RALGAPA1: variants seen among roughly 807,000 people sequenced by gnomAD.
RALGAPA1 encodes Ral GTPase activating protein catalytic subunit alpha 1, also known as ral GTPase-activating protein subunit alpha-1.
Under a neutral mutation model 269.6 loss-of-function variants are expected in RALGAPA1, and 52 were observed. That is an observed-to-expected ratio of 0.19 (90% confidence interval 0.15 to 0.24). The LOEUF is 0.24. RALGAPA1 is among the 10% of genes least tolerant of loss of function. The pLI is 1.00. For missense variants in RALGAPA1, 1,917 were observed against 3,013.9 expected (o/e 0.64, Z 8.52); for synonymous variants, 817 against 1,008.3 (o/e 0.81, Z 3.60).
At chr14:35,755,932 G>A (rs1035732235) in intron 7 of RALGAPA1, among the ~76,000 whole-genome samples, 3 of 152,166 alleles carry the variant, frequency 2.0e-5, no homozygotes, top group Non-Finnish European at 2.9e-5. Flanking sequence ...ATCAGGGTAT[G>A]CACATTTTAT....
chr14:35,541,121 C>G (rs780059436), intron 41 of RALGAPA1, among the ~76,000 whole-genome samples: 15 of 142,736 alleles, frequency 1.1e-4, no homozygotes, highest in Non-Finnish European at 1.9e-4. Flanking sequence ...TCTTGGCTCA[C>G]TGCAATCTCC....
Position 35,684,000 on chromosome 14 carries a change from A to C in RALGAPA1, c.4295-15T>G. 2 of 1,600,874 alleles carry C rather than the reference A, an allele frequency of 1.2e-6. No homozygotes were observed. The highest frequency in any genetic ancestry group is 3.3e-4 in the Middle Eastern group (2 of 6,020). On this transcript the variant is annotated splice_polypyrimidine_tract_variant and intron_variant, in intron 20 of 41. Coordinates refer to ENST00000680220, the MANE Select transcript of RALGAPA1 (RefSeq NM_001346249.2). Reference sequence around the variant, plus strand: ...AAAGCCAAAATCTATAGGAAGAAGAAATGTTATTATATGAGTCCCAATTAC... The same window carrying C: ...AAAGCCAAAATCTATAGGAAGAAGACATGTTATTATATGAGTCCCAATTAC...
At chr14:35,552,888 T>C (rs1321793316) in intron 39 of RALGAPA1, among the ~76,000 whole-genome samples, 1 of 152,228 alleles carries the variant, frequency 6.6e-6, no homozygotes, top group Non-Finnish European at 1.5e-5. Context: ...AAATGTAATC[T>C]GTAATTCATT....
intron 41 of RALGAPA1, among the ~76,000 whole-genome samples, chr14:35,541,205 C>T (rs1278646708): frequency 6.6e-6 from 1 of 151,684 alleles, no homozygotes; most frequent in Non-Finnish European, 1.5e-5. Flanking sequence ...ACCACCACGC[C>T]CGGCTAATTT....
chr14:35,677,254 A>T (rs2065028898), intron 22 of RALGAPA1: 1 of 152,300 alleles, frequency 6.6e-6, no homozygotes, highest in Non-Finnish European at 1.5e-5. Context: ...TCAGAGAATA[A>T]ATGTGCTACC....
In RALGAPA1 at chr14:35,796,776, A is replaced by ATAACTTCTAAACAAAACAAATTCTAAT. The variant is rs780717612; in HGVS notation, c.106+11953_106+11954insATTAGAATTTGTTTTGTTTAGAAGTTA. 5.2e-3 allele frequency among the ~76,000 whole-genome samples: 794 copies of ATAACTTCTAAACAAAACAAATTCTAAT among 152,180 alleles called. 2 individuals carry two copies. Among genetic ancestry groups the ATAACTTCTAAACAAAACAAATTCTAAT allele is most frequent in the Non-Finnish European group, 8.4e-3 (568 of 68,002 alleles). On this transcript the variant is annotated intron_variant, in intron 1 of 41. Transcript: ENST00000680220. ...GCCATCAACCTAGAATTCTAAACAG[A>ATAACTTCTAAACAAAACAAATTCTAAT]ACAAAAGTATCCTTTTTTTTTTGAG...
chr14:35,770,669 C>T (rs776776038), intron 4 of RALGAPA1, among the ~76,000 whole-genome samples: 1 of 152,080 alleles, frequency 6.6e-6, no homozygotes, highest in South Asian at 2.1e-4. Flanking sequence ...TGTCTTGATG[C>T]TAATCTTGCT....
chr14:35,673,817 T>C (rs548932731), intron 24 of RALGAPA1, among the ~76,000 whole-genome samples: 1 of 152,132 alleles, frequency 6.6e-6, no homozygotes, highest in East Asian at 1.9e-4. Flanking sequence ...CCTGACCTCA[T>C]GTGATCCACC....
At chr14:35,570,270 C>CA (rs11458177) in intron 39 of RALGAPA1, among the ~76,000 whole-genome samples, 23,631 of 92,884 alleles carry the variant, frequency 0.25, 2,366 homozygotes, top group African/African-American at 0.37. Flanking sequence ...GACTCCATCT[C>CA]AAAAAAAAAA....
chr14:35,793,852 T>G (rs2076369550), intron 1 of RALGAPA1, among the ~76,000 whole-genome samples: 1 of 152,196 alleles, frequency 6.6e-6, no homozygotes, highest in South Asian at 2.1e-4. Context: ...AATTGTTCTA[T>G]TCCACATTTT....
chr14:35,770,250 T>C (rs970569353), intron 4 of RALGAPA1, among the ~76,000 whole-genome samples: 8 of 152,114 alleles, frequency 5.3e-5, no homozygotes, highest in Non-Finnish European at 1.2e-4. Context: ...ACTCTCAAAC[T>C]AGAAACAGAA....
At chr14:35,634,907 C>T in intron 32 of RALGAPA1, 150 bp from the exon 33 acceptor site, 1 of 740,958 alleles carries the variant, frequency 1.3e-6, no homozygotes, top group South Asian at 3.0e-5. Flanking sequence ...TGGCTCATGC[C>T]TGTAATCCCA....
At chr14:35,714,012 TTGAACCCAGGAGGCAGAGGTTGCAG>T (rs1321236120) in intron 16 of RALGAPA1, among the ~76,000 whole-genome samples, 2 of 151,738 alleles carry the variant, frequency 1.3e-5, no homozygotes, top group African/African-American at 2.4e-5. Context: ...GGAGAATTGC[TTGAACCCAGGAGGCAGAGGTTGCAG>T]TGAGCTGAGA....
chr14:35,727,360 A>G lies in RALGAPA1; in HGVS notation c.1736+1002T>C, dbSNP rs1595341998. Reference sequence around the variant, plus strand: ...ATATATATATATAGTATAATACTATATAACTGTGTGTGTGGTTTGATGAGC... The same window carrying G: ...ATATATATATATAGTATAATACTATGTAACTGTGTGTGTGGTTTGATGAGC... On this transcript the variant is annotated intron_variant, in intron 13 of 41. Transcript: ENST00000680220. Among the ~76,000 whole-genome samples the G allele has an allele frequency of 4.8e-5, 7 of 145,748 alleles. No homozygotes were observed. In the South Asian group the frequency reaches 1.5e-3, roughly 31 times the overall value.
At chr14:35,616,276 C>T (rs1374119448) in intron 35 of RALGAPA1, among the ~76,000 whole-genome samples, 1 of 151,688 alleles carries the variant, frequency 6.6e-6, no homozygotes, top group Non-Finnish European at 1.5e-5. Flanking sequence ...GAGGGAGATA[C>T]CTATGTTATG....
chr14:35,769,023 AAAAAAAAAAAAAATAT>A (rs2074380939), intron 4 of RALGAPA1, among the ~76,000 whole-genome samples: 2 of 97,640 alleles, frequency 2.0e-5, no homozygotes, highest in East Asian at 7.2e-4. Context: ...AAAAAAAAAA[AAAAAAAAAAAAAATAT>A]ATATATATAT....
At chr14:35,639,766 C>T (rs1027220300) in intron 31 of RALGAPA1, among the ~76,000 whole-genome samples, 5 of 151,892 alleles carry the variant, frequency 3.3e-5, no homozygotes, top group East Asian at 1.9e-4. Flanking sequence ...GGTGAAACCC[C>T]GTCTCTACTA....
At chr14:35,692,685 CATA>C (rs1364630884) in intron 17 of RALGAPA1, among the ~76,000 whole-genome samples, 2 of 151,716 alleles carry the variant, frequency 1.3e-5, no homozygotes, top group Admixed American at 6.6e-5. Context: ...TTTCATGGCA[CATA>C]ATAATACTAA....
chr14:35,670,548 G>A (rs78060163), intron 26 of RALGAPA1, among the ~76,000 whole-genome samples: 1,628 of 152,232 alleles, frequency 0.011, 31 homozygotes, highest in African/African-American at 0.037. Flanking sequence ...ATTTATGGAT[G>A]AACATATTCC....
Sources: gnomAD v4.1 joint callset for allele counts (sites outside exome capture counted in the v4.1 genomes callset) on GRCh38, gnomAD v4.1.1 for gene constraint, MANE v1.5 for transcripts, NCBI Gene and HGNC (gene_info 2026-07-23, HGNC 2026-07-21) for gene names.